Variants in AGMO observed in about 807,000 individuals in gnomAD.
The protein encoded by AGMO is alkylglycerol monooxygenase.
A neutral mutation model predicts 60.2 loss-of-function variants in AGMO; 75 were observed. The ratio of observed to expected loss-of-function variants is 1.25; its 90% CI spans 1.03 to 1.51. The LOEUF is 1.51. AGMO is among the 40% of genes most tolerant of loss of function. The pLI, the probability that AGMO is intolerant of heterozygous loss-of-function variation, is 0.00. For synonymous variants in AGMO, 261 were observed against 177.1 expected (o/e 1.47, Z -3.76); for missense variants, 763 against 525.5 (o/e 1.45, Z -4.42).
chr7:15,407,217 C>T (rs1296291776), intron 5 of AGMO, among the ~76,000 whole-genome samples: 3 of 97,808 alleles, frequency 3.1e-5, no homozygotes, highest in Non-Finnish European at 7.2e-5. Context: ...TTGAAAGGCC[C>T]CTTTCTTTGG....
At position 15,232,801 on chromosome 7, in the gene AGMO, G is replaced by GCACGCA. The variant is rs1554398736; in HGVS notation, c.1264-31443_1264-31442insTGCGTG. 1.9e-3 allele frequency among the ~76,000 whole-genome samples: 277 copies of GCACGCA among 147,120 alleles called. 2 individuals carry two copies. The highest frequency in any genetic ancestry group is 0.01 in the Middle Eastern group (3 of 290). Reference sequence around the variant, plus strand: ...TTAAACATGGAAACCACACACACACGCACACACACACACACACACACACAC... The same window carrying GCACGCA: ...TTAAACATGGAAACCACACACACACGCACGCACACACACACACACACACACACACAC... On this transcript the variant is annotated intron_variant, in intron 12 of 12. Transcript: ENST00000342526.
intron 5 of AGMO, among the ~76,000 whole-genome samples, chr7:15,395,669 GATAT>G (rs1444957249): frequency 7.2e-5 from 11 of 152,100 alleles, no homozygotes; most frequent in Non-Finnish European, 1.2e-4. Context: ...AAACAAAATG[GATAT>G]ATAAATTTAT....
At chr7:15,242,287 A>G (rs1165154637) in intron 12 of AGMO, among the ~76,000 whole-genome samples, 7 of 152,184 alleles carry the variant, frequency 4.6e-5, no homozygotes, top group Non-Finnish European at 1.0e-4. Flanking sequence ...CTCAAGAAGA[A>G]TTAGAAGAAA....
chr7:15,120,552 C>T, the AGMO span, among the ~76,000 whole-genome samples: 1 of 152,094 alleles, frequency 6.6e-6, no homozygotes, highest in South Asian at 2.1e-4. Context: ...AAGACTACAA[C>T]TCCTTCTCTC....
At chr7:15,492,649 G>C (rs1258078837) in intron 3 of AGMO, among the ~76,000 whole-genome samples, 1 of 151,762 alleles carries the variant, frequency 6.6e-6, no homozygotes, top group Non-Finnish European at 1.5e-5. Flanking sequence ...TAGGTCATAA[G>C]GTCAGTGAAG....
chr7:15,146,666 C>T, the AGMO span, among the ~76,000 whole-genome samples: 1 of 152,162 alleles, frequency 6.6e-6, no homozygotes, highest in Non-Finnish European at 1.5e-5. Context: ...CTTAAAGTTA[C>T]CTGTACATTG....
intron 12 of AGMO, among the ~76,000 whole-genome samples, chr7:15,250,780 C>G (rs373673687): frequency 6.6e-6 from 1 of 151,856 alleles, no homozygotes; most frequent in Non-Finnish European, 1.5e-5. Context: ...CCCATCTCTA[C>G]TAAAAATGCA....
chr7:15,244,344 TC>T (rs1383654836), intron 12 of AGMO, among the ~76,000 whole-genome samples: 3 of 152,152 alleles, frequency 2.0e-5, no homozygotes. Flanking sequence ...GAACATTCTC[TC>T]CCTTTTTTTG....
In AGMO at chr7:15,493,334, A is replaced by AACACACACACACACACAC. The variant is rs144549105; in HGVS notation, c.409+51420_409+51437dup. 5.5e-4 allele frequency among the ~76,000 whole-genome samples: 39 copies of AACACACACACACACACAC among 70,378 alleles called. 1 individual carries two copies. Among genetic ancestry groups the AACACACACACACACACAC allele is most frequent in the African/African-American group, 1.7e-3 (31 of 17,716 alleles). 46.2% of individuals were successfully genotyped at this position (70,378 alleles called of 152,430 possible). A position where few individuals can be genotyped will look rare whatever the true frequency, so the allele number is the denominator to read the frequency against. On this transcript the variant is annotated intron_variant, in intron 3 of 12. Transcript: ENST00000342526. ...GACACACACGCGCACAAACACACAA[A>AACACACACACACACACAC]ACACACACACACACACACACACACA... is the stretch of plus-strand genomic sequence containing the variant.
intron 4 of AGMO, among the ~76,000 whole-genome samples, chr7:15,423,341 A>G (rs1780975737): frequency 6.6e-6 from 1 of 152,194 alleles, no homozygotes; most frequent in African/African-American, 2.4e-5. Context: ...CTTAAGACAT[A>G]TCTACTTAGA....
chr7:15,471,997 C>G (rs1431807635), intron 3 of AGMO, among the ~76,000 whole-genome samples: 4 of 151,748 alleles, frequency 2.6e-5, no homozygotes, highest in Admixed American at 2.0e-4. Flanking sequence ...AAGAAGAATC[C>G]TAACAATAGA....
chr7:15,420,244 A>C (rs892687552), intron 4 of AGMO, among the ~76,000 whole-genome samples: 2 of 152,068 alleles, frequency 1.3e-5, no homozygotes, highest in Non-Finnish European at 2.9e-5. Flanking sequence ...TAAACAACTG[A>C]AGTTTCTTTA....
At chr7:15,511,356 C>T (rs761582608) in intron 3 of AGMO, among the ~76,000 whole-genome samples, 24 of 152,186 alleles carry the variant, frequency 1.6e-4, no homozygotes, top group Non-Finnish European at 2.9e-4. Flanking sequence ...CTCACAGACA[C>T]TGCTCCTGGC....
chr7:15,273,946 T>G (rs1351882310), intron 12 of AGMO, among the ~76,000 whole-genome samples: 4 of 152,214 alleles, frequency 2.6e-5, no homozygotes, highest in Non-Finnish European at 5.9e-5. Flanking sequence ...TGTATAAGAA[T>G]GCTTGTGATT....
intron 3 of AGMO, among the ~76,000 whole-genome samples, chr7:15,531,751 C>T (rs1253514333): frequency 1.3e-5 from 2 of 149,884 alleles, no homozygotes; most frequent in African/African-American, 4.9e-5. Flanking sequence ...CCCCACCTTG[C>T]TGCTGTTCAA....
chr7:15,304,445 A>G (rs1335426666), intron 12 of AGMO, among the ~76,000 whole-genome samples: 1 of 152,150 alleles, frequency 6.6e-6, no homozygotes, highest in Non-Finnish European at 1.5e-5. Flanking sequence ...GTTGGTATAA[A>G]GAAAACTGAA....
At chr7:15,416,358 A>C (rs1053003644) in intron 5 of AGMO, among the ~76,000 whole-genome samples, 6 of 152,128 alleles carry the variant, frequency 3.9e-5, no homozygotes, top group African/African-American at 1.4e-4. Flanking sequence ...TTATCAAAAT[A>C]ACTCAAAAGT....
rs756450306 is a variant in AGMO at position 15,561,767 on chromosome 7, C to T, written c.79G>A (p.Glu27Lys). Residue 27 changes from glutamate (E) to lysine (K), a missense_variant, in exon 1 of 13, where the codon GAA (glutamate) becomes AAA (lysine). By Grantham distance (56) the Glu-to-Lys change is moderately conservative. Transcript: ENST00000342526. Reference sequence around the variant, plus strand: ...TCTTCTAATGTTTGGAATGAAGTTTCACTGGGTTTCATCGTGTAAAACAAC... The same window carrying T: ...TCTTCTAATGTTTGGAATGAAGTTTTACTGGGTTTCATCGTGTAAAACAAC... ...RMLFYTMKPS[E>K]TSFQTLEEVP... 1.2e-6 allele frequency: 2 copies of T among 1,612,022 alleles called. No individual in the cohort carries two copies. Among genetic ancestry groups the T allele is most frequent in the Admixed American group, 1.7e-5 (1 of 59,894 alleles).
the AGMO span, among the ~76,000 whole-genome samples, chr7:15,127,908 T>C: frequency 1.3e-5 from 2 of 152,112 alleles, no homozygotes; most frequent in African/African-American, 2.4e-5. Flanking sequence ...TCTTCAGGAA[T>C]TTACGGTGTT....
Sources: allele counts gnomAD v4.1 joint callset (sites outside exome capture counted in the v4.1 genomes callset), GRCh38; gene constraint gnomAD v4.1.1; transcripts MANE v1.5; gene names NCBI Gene and HGNC (gene_info 2026-07-23, HGNC 2026-07-21).